CADPS2: variants seen among roughly 807,000 people sequenced by gnomAD.
CADPS2 encodes calcium-dependent secretion activator 2.
CADPS2 carries 93 observed loss-of-function variants against 172.5 expected under a neutral mutation model. The observed-to-expected ratio is 0.54, with a 90% CI of 0.46 to 0.64. The LOEUF (loss-of-function observed/expected upper bound fraction) is 0.64, where lower values mean the gene tolerates loss of function less well. Among genes scored for constraint, CADPS2 ranks in the 30% least tolerant of loss-of-function variants. The pLI is 0.00. For synonymous variants in CADPS2, 546 were observed against 555.2 expected (o/e 0.98, Z 0.23); for missense variants, 1,420 against 1,565.9 (o/e 0.91, Z 1.57).
Position 122,728,420 on chromosome 7 carries a change from T to G in CADPS2, c.453+8535A>C, listed in dbSNP as rs541184760. 2.6e-5 allele frequency among the ~76,000 whole-genome samples: 4 copies of G among 151,998 alleles called. No homozygotes were observed. In the South Asian group the frequency reaches 8.3e-4, roughly 32 times the overall value. On this transcript the variant is annotated intron_variant, in intron 2 of 29. Transcript: ENST00000449022. ...TAAGTGAAATGGAATGATACCAATC[T>G]GATAGCTGGTGGTAGAAAATTGGAG...
chr7:122,455,958 C>G (rs972751673), intron 14 of CADPS2, among the ~76,000 whole-genome samples: 1 of 152,246 alleles, frequency 6.6e-6, no homozygotes, highest in African/African-American at 2.4e-5. Flanking sequence ...CCTCCTCAGC[C>G]TCCCAAAGTG....
chr7:122,690,071 C>T (rs1166821784), intron 2 of CADPS2, among the ~76,000 whole-genome samples: 1 of 152,142 alleles, frequency 6.6e-6, no homozygotes, highest in Non-Finnish European at 1.5e-5. Flanking sequence ...AGGACAGTGC[C>T]GATCCAACAG....
chr7:122,881,726 G>T (rs1822982921), intron 1 of CADPS2, among the ~76,000 whole-genome samples: 1 of 152,064 alleles, frequency 6.6e-6, no homozygotes, highest in Non-Finnish European at 1.5e-5. Flanking sequence ...TTGTCTCTGG[G>T]GCTTGCTAGA....
At chr7:122,879,741 G>T (rs1169397611) in intron 1 of CADPS2, among the ~76,000 whole-genome samples, 3 of 152,028 alleles carry the variant, frequency 2.0e-5, no homozygotes, top group Non-Finnish European at 2.9e-5. Flanking sequence ...TAACTTGAAG[G>T]TATAAAATGA....
chr7:122,659,981 C>G (rs1354017296), intron 3 of CADPS2, among the ~76,000 whole-genome samples: 2 of 152,104 alleles, frequency 1.3e-5, no homozygotes, highest in Non-Finnish European at 2.9e-5. Context: ...CACCACTAGT[C>G]TTGGCCTACA....
intron 17 of CADPS2, among the ~76,000 whole-genome samples, chr7:122,431,181 T>C (rs1423998016): frequency 2.6e-5 from 4 of 152,266 alleles, no homozygotes; most frequent in Non-Finnish European, 4.4e-5. Flanking sequence ...CTTGCCAGTT[T>C]ATGGATGTTC....
At chr7:122,850,651 A>G (rs899503408) in intron 1 of CADPS2, among the ~76,000 whole-genome samples, 5 of 152,220 alleles carry the variant, frequency 3.3e-5, no homozygotes, top group Admixed American at 2.0e-4. Context: ...CCTTCTCTGT[A>G]GGGAACTCTG....
chr7:122,746,521 G>T (rs1039603226), intron 1 of CADPS2, among the ~76,000 whole-genome samples: 8 of 152,058 alleles, frequency 5.3e-5, no homozygotes, highest in East Asian at 1.9e-4. Flanking sequence ...TATCACAGGG[G>T]TGTCCAATCT....
intron 1 of CADPS2, among the ~76,000 whole-genome samples, chr7:122,791,706 T>C: frequency 6.6e-6 from 1 of 152,156 alleles, no homozygotes; most frequent in Non-Finnish European, 1.5e-5. Context: ...CAATTTGAGC[T>C]TAAAATTTTA....
intron 27 of CADPS2, among the ~76,000 whole-genome samples, chr7:122,346,192 C>T (rs924516401): frequency 6.6e-6 from 1 of 151,812 alleles, no homozygotes; most frequent in African/African-American, 2.4e-5. Flanking sequence ...CATGATGAAA[C>T]CTCATCTCTA....
intron 4 of CADPS2, among the ~76,000 whole-genome samples, chr7:122,627,037 T>C (rs568862716): frequency 6.6e-6 from 1 of 152,136 alleles, no homozygotes; most frequent in Non-Finnish European, 1.5e-5. Context: ...TGCCAACTAA[T>C]AGCTGTTTAT....
Position 122,837,575 on chromosome 7 carries a change from A to T in CADPS2, c.339+48424T>A, listed in dbSNP as rs1808905404. 2.0e-5 allele frequency among the ~76,000 whole-genome samples: 3 copies of T among 152,192 alleles called. No homozygotes were observed. In the South Asian group the frequency reaches 6.2e-4, roughly 32 times the overall value. Reference sequence around the variant, plus strand: ...AAAGAGAGAAGAATCAAATAGACGCAATAAAAAATGATAAAGAGGATATCA... The same window carrying T: ...AAAGAGAGAAGAATCAAATAGACGCTATAAAAAATGATAAAGAGGATATCA... On this transcript the variant is annotated intron_variant, in intron 1 of 29. Coordinates refer to ENST00000449022, the MANE Select transcript of CADPS2 (RefSeq NM_017954.11).
intron 8 of CADPS2, among the ~76,000 whole-genome samples, chr7:122,528,491 G>A (rs931571982): frequency 2.0e-5 from 3 of 151,952 alleles, no homozygotes; most frequent in Admixed American, 6.6e-5. Context: ...AAATTATAAC[G>A]TTCAGCTTCT....
intron 1 of CADPS2, among the ~76,000 whole-genome samples, chr7:122,850,503 C>T (rs917304077): frequency 6.8e-4 from 103 of 152,184 alleles, no homozygotes; most frequent in African/African-American, 2.4e-3. Flanking sequence ...GGGCGGGGAG[C>T]ACATTTTATT....
chr7:122,368,932 C>T (rs569512885), intron 25 of CADPS2, among the ~76,000 whole-genome samples: 1 of 152,096 alleles, frequency 6.6e-6, no homozygotes, highest in South Asian at 2.1e-4. Context: ...TGAGGACACC[C>T]AGCTGGTAAC....
chr7:122,339,172 A>G (rs1250900345), intron 28 of CADPS2, among the ~76,000 whole-genome samples: 1 of 152,222 alleles, frequency 6.6e-6, no homozygotes, highest in African/African-American at 2.4e-5. Context: ...GGCTGATTAC[A>G]TACACAAAGA....
chr7:122,833,293 T>A (rs929379799), intron 1 of CADPS2, among the ~76,000 whole-genome samples: 5 of 152,252 alleles, frequency 3.3e-5, no homozygotes, highest in Non-Finnish European at 5.9e-5. Context: ...ACCATATTGT[T>A]ATTGTAAATC....
chr7:122,346,448 G>T (rs2022124), intron 27 of CADPS2, among the ~76,000 whole-genome samples: 32,759 of 151,944 alleles, frequency 0.22, 4,043 homozygotes, highest in South Asian at 0.3. Context: ...TACTATGGGC[G>T]TTCAAGGAAT....
chr7:122,751,131 T>C (rs37909), intron 1 of CADPS2, among the ~76,000 whole-genome samples: 30,013 of 152,074 alleles, frequency 0.2, 3,728 homozygotes, highest in African/African-American at 0.35. Flanking sequence ...TTTTAAGATA[T>C]AGGCATTTCT....
Sources: allele counts gnomAD v4.1 joint callset (sites outside exome capture counted in the v4.1 genomes callset), GRCh38; gene constraint gnomAD v4.1.1; transcripts MANE v1.5; gene names NCBI Gene and HGNC (gene_info 2026-07-23, HGNC 2026-07-21).